Variants in BAZ2B observed in about 807,000 individuals in gnomAD.
BAZ2B encodes bromodomain adjacent to zinc finger domain 2B.
In BAZ2B, 91 loss-of-function variants were observed where a neutral mutation model predicts 246.0. That is an observed-to-expected ratio of 0.37 (90% confidence interval 0.31 to 0.44). The LOEUF is 0.44. Among genes scored for constraint, BAZ2B ranks in the 20% least tolerant of loss-of-function variants. The pLI, the probability that BAZ2B is intolerant of heterozygous loss-of-function variation, is 1.00. For synonymous variants in BAZ2B, 855 were observed against 860.0 expected (o/e 0.99, Z 0.10); for missense variants, 2,332 against 2,533.7 (o/e 0.92, Z 1.71).
chr2:159,483,576 A>G (rs147378631), intron 2 of BAZ2B, among the ~76,000 whole-genome samples: 2,860 of 152,266 alleles, frequency 0.019, 92 homozygotes, highest in African/African-American at 0.065. Flanking sequence ...CAGGAGTTCG[A>G]GACCAGCCTG....
rs751835791 is a variant in BAZ2B, at chr2:159,439,024, A to C, written c.885T>G (p.His295Gln). 6.2e-7 allele frequency: 1 copy of C among 1,613,462 alleles called. No homozygotes were observed. The highest frequency in any genetic ancestry group is 1.1e-5 in the South Asian group (1 of 91,068). The change falls in exon 7 of 37, where the codon CAT (histidine) becomes CAG (glutamine). Residue 295 changes from histidine (H) to glutamine (Q), a missense_variant. Coordinates refer to ENST00000392783, the MANE Select transcript of BAZ2B (RefSeq NM_013450.4). Reference sequence around the variant, plus strand: ...AAAATTATACCTGGTTGTTACTTTTATGTTGTGCTTCACTCTCTGAATCAG... The same window carrying C: ...AAAATTATACCTGGTTGTTACTTTTCTGTTGTGCTTCACTCTCTGAATCAG... ...DDSDSESEAQ[H>Q]KSNNQVLLHG...
intron 29 of BAZ2B, 40 bp from the exon 30 acceptor site, chr2:159,348,873 T>G (rs765888810): frequency 2.6e-6 from 4 of 1,568,562 alleles, no homozygotes; most frequent in Non-Finnish European, 3.4e-6. Flanking sequence ...ACAAATATTT[T>G]GAATAGGAAA....
At position 159,439,122 on chromosome 2, in the gene BAZ2B, T is replaced by C. The variant is rs763435861; in HGVS notation, c.787A>G (p.Ser263Gly). Residue 263 changes from serine (S) to glycine (G), a missense_variant, in exon 7 of 37, where the codon AGT (serine) becomes GGT (glycine). Ser to Gly is a moderately conservative substitution (Grantham distance 56). Coordinates refer to ENST00000392783, the MANE Select transcript of BAZ2B (RefSeq NM_013450.4). ...SDTSSEGISS[S>G]DSDDLEEDEE... is the part of the protein sequence containing the mutation. ...TCTTCTTCTAGATCATCTGAATCAC[T>C]GCTACTAATGCCTTCACTTGAGGTG... 1 of 1,614,016 alleles carries C rather than the reference T, an allele frequency of 6.2e-7. No individual in the cohort carries two copies.
At chr2:159,446,651 A>C in intron 6 of BAZ2B, 131 bp downstream of exon 6, 1 of 761,530 alleles carries the variant, frequency 1.3e-6, no homozygotes, top group Non-Finnish European at 2.1e-6. Context: ...GACACCATAA[A>C]TCACGTATCT....
intron 33 of BAZ2B, among the ~76,000 whole-genome samples, chr2:159,333,370 T>G (rs1457518434): frequency 1.3e-5 from 2 of 152,066 alleles, no homozygotes; most frequent in Non-Finnish European, 1.5e-5. Flanking sequence ...TTTTTTAGAA[T>G]TAAAAATAAA....
the BAZ2B span, among the ~76,000 whole-genome samples, chr2:159,676,599 G>A: frequency 6.6e-6 from 1 of 151,066 alleles, no homozygotes; most frequent in Admixed American, 6.6e-5. Context: ...AGGACTGCCT[G>A]AGCCCAGGCG....
rs994102331 is a variant in BAZ2B at position 159,350,367 on chromosome 2, G to A, written c.4214-10C>T. 4.6e-6 allele frequency: 7 copies of A among 1,506,522 alleles called. No homozygotes were observed. The African/African-American group carries it at 7.0e-5, about 15-fold the overall frequency. The allele number at this position is 1,506,522 out of a possible 1,614,324, so 93.3% of individuals were successfully genotyped here. ...GCAATTTCTTCTAGTCCTACAAAAT[G>A]AAAAAGCATTATGAACATCAGTTAC... On this transcript the variant is annotated splice_polypyrimidine_tract_variant and intron_variant, in intron 27 of 36. Coordinates refer to ENST00000392783, the MANE Select transcript of BAZ2B (RefSeq NM_013450.4).
At chr2:159,509,493 T>A (rs1464098320) in intron 2 of BAZ2B, among the ~76,000 whole-genome samples, 1 of 152,200 alleles carries the variant, frequency 6.6e-6, no homozygotes, top group Admixed American at 6.5e-5. Context: ...ATATGGCTTT[T>A]TTCCTCTCTT....
At chr2:159,447,282 C>A (rs1356398403) in intron 5 of BAZ2B, among the ~76,000 whole-genome samples, 1 of 152,132 alleles carries the variant, frequency 6.6e-6, no homozygotes, top group Non-Finnish European at 1.5e-5. Flanking sequence ...GGTGGTTGTA[C>A]AACACTGCAA....
chr2:159,647,760 A>T, the BAZ2B span, among the ~76,000 whole-genome samples: 4 of 152,220 alleles, frequency 2.6e-5, no homozygotes, highest in Non-Finnish European at 1.5e-5. Context: ...ACTTTGAAAA[A>T]GTAATGTGAT....
rs1271115803 is a variant in BAZ2B, at chr2:159,397,326, T to C, written c.3009+19A>G. On this transcript the variant is annotated intron_variant, in intron 19 of 36. Coordinates refer to ENST00000392783, the MANE Select transcript of BAZ2B (RefSeq NM_013450.4). ...ATAAAATGTACATTCAACAATTGTA[T>C]AACTATACATATACAGACCTGATGT... is the stretch of plus-strand genomic sequence containing the variant. 6.7e-7 allele frequency: 1 copy of C among 1,496,874 alleles called. No homozygotes were observed. Among genetic ancestry groups the C allele is most frequent in the Admixed American group, 2.1e-5 (1 of 48,104 alleles). The allele number at this position is 1,496,874 out of a possible 1,614,324, so 92.7% of individuals were successfully genotyped here. A position where few individuals can be genotyped will look rare whatever the true frequency, so the allele number is the denominator to read the frequency against.
At chr2:159,415,094 T>C (rs972563146) in intron 13 of BAZ2B, among the ~76,000 whole-genome samples, 4 of 152,050 alleles carry the variant, frequency 2.6e-5, no homozygotes, top group Non-Finnish European at 5.9e-5. Context: ...TCTATTTCTG[T>C]ATATATTTGA....
At chr2:159,710,956 T>C in the BAZ2B span, 1 of 152,238 alleles carries the variant, frequency 6.6e-6, no homozygotes, top group African/African-American at 2.4e-5. Context: ...TGGAATGTAA[T>C]AGCTAACAAT....
intron 27 of BAZ2B, among the ~76,000 whole-genome samples, chr2:159,355,615 A>G (rs1018000361): frequency 7.9e-5 from 12 of 152,230 alleles, no homozygotes; most frequent in African/African-American, 2.9e-4. Context: ...AACTTGTTTC[A>G]GTTTCCTTCC....
chr2:159,328,084 A>C (rs992174610), intron 34 of BAZ2B, among the ~76,000 whole-genome samples: 6 of 151,916 alleles, frequency 3.9e-5, no homozygotes, highest in Non-Finnish European at 5.9e-5. Context: ...AAAAAAAAAA[A>C]AAAAAAAGAA....
intron 2 of BAZ2B, among the ~76,000 whole-genome samples, chr2:159,535,896 T>C (rs541934877): frequency 6.6e-6 from 1 of 152,352 alleles, no homozygotes; most frequent in South Asian, 2.1e-4. Flanking sequence ...AACATATCTG[T>C]GTGGCAAAGG....
At chr2:159,652,214 T>C in the BAZ2B span, among the ~76,000 whole-genome samples, 9 of 149,282 alleles carry the variant, frequency 6.0e-5, no homozygotes, top group African/African-American at 2.2e-4. Context: ...TTACTCTCTT[T>C]TTTTTTTTTT....
chr2:159,433,294 T>A lies in BAZ2B; in HGVS notation c.1363A>T (p.Ile455Phe). ...GCTTTTGGATTTGACAAAGCTGCAA[T>A]AACCTTCTTCAGGCTCTTCGATGAC... Reference protein sequence around the residue: ...QESSKSLKKVIAALSNPKATS... With the variant: ...QESSKSLKKVFAALSNPKATS... The change falls in exon 9 of 37, where the codon ATT (isoleucine) becomes TTT (phenylalanine). Residue 455 changes from isoleucine (I) to phenylalanine (F), a missense_variant. Physicochemically the swap from Ile to Phe is conservative, Grantham distance 21. Around this residue, in one of 9 missense-constraint regions of BAZ2B, gnomAD observed 651 missense variants for 650.9 expected, o/e 1.00. Coordinates refer to ENST00000392783, the MANE Select transcript of BAZ2B (RefSeq NM_013450.4). 2 of 1,614,136 alleles carry A rather than the reference T, an allele frequency of 1.2e-6. No homozygotes were observed. The highest frequency in any genetic ancestry group is 3.3e-4 in the Middle Eastern group (2 of 6,062).
chr2:159,472,470 C>T (rs1393110467), intron 3 of BAZ2B, among the ~76,000 whole-genome samples: 17 of 152,188 alleles, frequency 1.1e-4, no homozygotes, highest in Non-Finnish European at 1.5e-5. Context: ...TTGGAATACC[C>T]TTTCTTTCTT....
Sources: gnomAD v4.1 joint callset for allele counts (sites outside exome capture counted in the v4.1 genomes callset) on GRCh38, gnomAD v4.1.1 for gene constraint, gnomAD v4.1.1 regional missense constraint, MANE v1.5 for transcripts, NCBI Gene and HGNC (gene_info 2026-07-23, HGNC 2026-07-21) for gene names.